Variants in ZNF737 observed in about 807,000 individuals in gnomAD.
ZNF737 encodes the protein zinc finger protein 737.
A neutral mutation model predicts 11.7 loss-of-function variants in ZNF737; 13 were observed. That is an observed-to-expected ratio of 1.11 (90% CI 0.73 to 1.77). ZNF737 has a LOEUF of 1.77. Among genes scored for constraint, ZNF737 ranks in the 40% most tolerant of loss-of-function variants. ZNF737 has a pLI of 0.00. For missense variants in ZNF737, 636 were observed against 638.0 expected (o/e 1.00, Z 0.03); for synonymous variants, 217 against 216.2 (o/e 1.00, Z -0.03).
downstream of ZNF737, among the ~76,000 whole-genome samples, chr19:20,536,384 T>C (rs1967966367): frequency 6.6e-6 from 1 of 152,236 alleles, no homozygotes; most frequent in Non-Finnish European, 1.5e-5. Flanking sequence ...TGCTAATTTT[T>C]ATTTAAAATT....
chr19:20,539,816 C>T lies in ZNF737; in HGVS notation c.*4776G>A. On this transcript the variant is annotated 3_prime_UTR_variant, in exon 4 of 4. Transcript: ENST00000427401. ...TGTAATAAATAGTGTAAACCTGTGT[C>T]ACCAGAATGGTGCAGACATGCTGAT... 1.0e-6 allele frequency: 1 copy of T among 985,412 alleles called. No homozygotes were observed. The highest frequency in any genetic ancestry group is 1.2e-6 in the Non-Finnish European group (1 of 829,928). 61.0% of individuals were successfully genotyped at this position (985,412 alleles called of 1,614,324 possible).
intron 1 of ZNF737, among the ~76,000 whole-genome samples, chr19:20,554,789 G>C (rs909081990): frequency 1.3e-4 from 19 of 151,912 alleles, no homozygotes; most frequent in African/African-American, 4.6e-4. Flanking sequence ...GCACCCTAAA[G>C]AGCAGGTATG....
In ZNF737 at chr19:20,542,613, TTTAA is replaced by T. The variant is rs1307945443; in HGVS notation, c.*1975_*1978del. 87 of 972,624 alleles carry T rather than the reference TTTAA, an allele frequency of 8.9e-5. No individual in the cohort carries two copies. Among genetic ancestry groups the T allele is most frequent in the Non-Finnish European group, 9.9e-5 (81 of 818,448 alleles). The allele number at this position is 972,624 out of a possible 1,614,324, so 60.2% of individuals were successfully genotyped here. On this transcript the variant is annotated 3_prime_UTR_variant, in exon 4 of 4. Transcript: ENST00000427401. ...ATATACTCATTTATTTTAATATACT[TTTAA>T]TTATTTCTTTGTGTCACTATAATAA...
chr19:20,548,478 G>C (rs1291844198), intron 3 of ZNF737, among the ~76,000 whole-genome samples: 1 of 152,138 alleles, frequency 6.6e-6, no homozygotes, highest in African/African-American at 2.4e-5. Flanking sequence ...AAAGTGGAAG[G>C]TTTGTCTGTC....
At chr19:20,561,853 AATT>A (rs1969110056) in intron 1 of ZNF737, among the ~76,000 whole-genome samples, 1 of 152,138 alleles carries the variant, frequency 6.6e-6, no homozygotes, top group African/African-American at 2.4e-5. Flanking sequence ...GAAGTTCAAT[AATT>A]TGGTAGAGCT....
In ZNF737 at chr19:20,543,562, G is replaced by A. The variant is rs1968305730; in HGVS notation, c.*1030C>T. 7 of 985,322 alleles carry A rather than the reference G, an allele frequency of 7.1e-6. No homozygotes were observed. The highest frequency in any genetic ancestry group is 8.4e-6 in the Non-Finnish European group (7 of 829,894). 61.0% of individuals were successfully genotyped at this position (985,322 alleles called of 1,614,324 possible). On this transcript the variant is annotated 3_prime_UTR_variant, in exon 4 of 4. Transcript: ENST00000427401. Reference sequence around the variant, plus strand: ...TGTACAATTTTTCTCAAGGATACTAGCTTTTCTGTGAGATAAGGTGTAAGA... The same window carrying A: ...TGTACAATTTTTCTCAAGGATACTAACTTTTCTGTGAGATAAGGTGTAAGA...
At chr19:20,555,089 C>T (rs1968837343) in intron 1 of ZNF737, among the ~76,000 whole-genome samples, 1 of 152,162 alleles carries the variant, frequency 6.6e-6, no homozygotes, top group Non-Finnish European at 1.5e-5. Context: ...TCTCGATCTC[C>T]TGACCTCAGG....
intron 3 of ZNF737, 93 bp from the exon 4 acceptor site, chr19:20,546,069 A>G (rs1968445885): frequency 7.2e-7 from 1 of 1,394,556 alleles, no homozygotes. Context: ...CAAACTACAT[A>G]AGCAAGATGA....
At chr19:20,561,228 A>G (rs782617248) in intron 1 of ZNF737, among the ~76,000 whole-genome samples, 6 of 152,150 alleles carry the variant, frequency 3.9e-5, no homozygotes, top group Non-Finnish European at 5.9e-5. Flanking sequence ...GTTGGTGGAG[A>G]AAACAGATTG....
At chr19:20,551,964 GAAAA>G (rs34524374) in intron 3 of ZNF737, among the ~76,000 whole-genome samples, 1 of 140,344 alleles carries the variant, frequency 7.1e-6, no homozygotes, top group Non-Finnish European at 1.5e-5. Flanking sequence ...AAGCAATCTT[GAAAA>G]AAAAAAAGAA....
chr19:20,547,036 G>A (rs1226164645), intron 3 of ZNF737, among the ~76,000 whole-genome samples: 1 of 151,960 alleles, frequency 6.6e-6, no homozygotes. Context: ...TCTTGCTCAG[G>A]GGGCAAAAAA....
At chr19:20,534,672 C>T (rs1555753516), downstream of ZNF737, among the ~76,000 whole-genome samples, 1 of 149,764 alleles carries the variant, frequency 6.7e-6, no homozygotes, top group African/African-American at 2.5e-5. Context: ...ATCAAAAAAT[C>T]TACTTTTCTG....
chr19:20,554,695 C>T (rs1968819262), intron 1 of ZNF737, among the ~76,000 whole-genome samples: 1 of 152,066 alleles, frequency 6.6e-6, no homozygotes. Flanking sequence ...TCATAAAGAA[C>T]CATCAGTTTT....
At chr19:20,532,081 G>C (rs1383820011), downstream of ZNF737, among the ~76,000 whole-genome samples, 1 of 150,198 alleles carries the variant, frequency 6.7e-6, no homozygotes, top group Non-Finnish European at 1.5e-5. Flanking sequence ...AAGCTGAAAA[G>C]AAAGTCATGT....
chr19:20,562,956 C>T (rs534539058), intron 1 of ZNF737, among the ~76,000 whole-genome samples: 18 of 151,730 alleles, frequency 1.2e-4, no homozygotes, highest in Admixed American at 5.9e-4. Flanking sequence ...CCTCCCACCT[C>T]CTTTCTAATC....
downstream of ZNF737, chr19:20,536,254 A>G: frequency 3.6e-6 from 1 of 279,142 alleles, no homozygotes. Context: ...AAAGCTAGCA[A>G]AAGCACAGTA....
chr19:20,538,724 C>T lies in ZNF737; in HGVS notation c.*5868G>A, dbSNP rs1033720048. The T allele has an allele frequency of 7.6e-5, 75 of 985,316 alleles. No individual in the cohort carries two copies. In the African/African-American group the frequency reaches 1.2e-3, roughly 16 times the overall value. The allele number at this position is 985,316 out of a possible 1,614,324, so 61.0% of individuals were successfully genotyped here. ...GTAAGGAAATGCTGAGTGGAGGCAC[C>T]ACACTGCACATCAATGCTTTCCACA... On this transcript the variant is annotated 3_prime_UTR_variant, in exon 4 of 4. Coordinates refer to ENST00000427401, the MANE Select transcript of ZNF737 (RefSeq NM_001159293.2).
chr19:20,557,398 T>G (rs1280595445), intron 1 of ZNF737, among the ~76,000 whole-genome samples: 1 of 151,344 alleles, frequency 6.6e-6, no homozygotes, highest in Non-Finnish European at 1.5e-5. Context: ...TGAACAGGTC[T>G]GGGTCTGGCT....
rs1968212857 is a variant in ZNF737 at position 20,541,711 on chromosome 19, C to T, written c.*2881G>A. ...AAAGTGCTGGAATTACAGATGTGAG[C>T]CACTGTGCCTGGCCGTATTTTATTT... On this transcript the variant is annotated 3_prime_UTR_variant, in exon 4 of 4. Coordinates refer to ENST00000427401, the MANE Select transcript of ZNF737 (RefSeq NM_001159293.2). 1.3e-5 allele frequency among the ~76,000 whole-genome samples: 2 copies of T among 152,184 alleles called. No homozygotes were observed. The highest frequency in any genetic ancestry group is 4.8e-5 in the African/African-American group (2 of 41,444).
Sources: allele counts gnomAD v4.1 joint callset (sites outside exome capture counted in the v4.1 genomes callset), GRCh38; gene constraint gnomAD v4.1.1; transcripts MANE v1.5; gene names NCBI Gene and HGNC (gene_info 2026-07-23, HGNC 2026-07-21).